FHAD1: variants seen among roughly 807,000 people sequenced by gnomAD.
FHAD1 encodes forkhead associated phosphopeptide binding domain 1, also known as forkhead-associated domain-containing protein 1.
A neutral mutation model predicts 191.3 loss-of-function variants in FHAD1; 146 were observed. The ratio of observed to expected loss-of-function variants is 0.76; its 90% CI spans 0.67 to 0.88. The LOEUF is 0.88. Ranked by LOEUF, FHAD1 falls within the 40% of genes least tolerant of loss-of-function variation. The probability of loss-of-function intolerance (pLI) is 0.00; values close to 1 mark genes in which losing one functional copy is unlikely to be tolerated. For missense variants in FHAD1, 1,635 were observed against 1,785.8 expected, an observed-to-expected ratio of 0.92 and a Z score of 1.52; for synonymous variants, 616 against 672.3, an observed-to-expected ratio of 0.92 and a Z score of 1.29.
intron 23 of FHAD1, among the ~76,000 whole-genome samples, chr1:15,363,036 G>A (rs1320995178): frequency 6.6e-6 from 1 of 152,212 alleles, no homozygotes; most frequent in African/African-American, 2.4e-5. Context: ...ACTGTTTTCT[G>A]CTATTTATAG....
In FHAD1 at chr1:15,325,483, G is replaced by A. The variant is rs1313861619; in HGVS notation, c.1473+924G>A. Reference sequence around the variant, plus strand: ...AGCCCTTCCATTTTCTACCATCCAAGCCTTACCAGGCAGTGTGACCAGGCC... The same window carrying A: ...AGCCCTTCCATTTTCTACCATCCAAACCTTACCAGGCAGTGTGACCAGGCC... On this transcript the variant is annotated intron_variant, in intron 11 of 33. Transcript: ENST00000688493. The surrounding 1 kb of genome is among the most constrained non-coding windows in gnomAD (Gnocchi z 4.6). 1 of 152,280 alleles carries A rather than the reference G, an allele frequency of 6.6e-6. No individual in the cohort carries two copies. Among genetic ancestry groups the A allele is most frequent in the African/African-American group, 2.4e-5 (1 of 41,448 alleles). The allele number at this position is 152,280 out of a possible 1,614,324, so 9.4% of individuals were successfully genotyped here. A position where few individuals can be genotyped will look rare whatever the true frequency, so the allele number is the denominator to read the frequency against.
At chr1:15,245,687 A>T (rs1285053311), upstream of FHAD1, among the ~76,000 whole-genome samples, 1 of 152,164 alleles carries the variant, frequency 6.6e-6, no homozygotes, top group African/African-American at 2.4e-5. Flanking sequence ...TCCAGGCAGA[A>T]CCTTCCAGAC....
intron 14 of FHAD1, among the ~76,000 whole-genome samples, chr1:15,338,585 G>A (rs1032892080): frequency 1.3e-5 from 2 of 152,126 alleles, no homozygotes; most frequent in Non-Finnish European, 2.9e-5. Context: ...CAGGTTCCAG[G>A]GATTCGGACC....
At chr1:15,252,636 G>T (rs1646924717) in intron 2 of FHAD1, among the ~76,000 whole-genome samples, 1 of 152,224 alleles carries the variant, frequency 6.6e-6, no homozygotes, top group South Asian at 2.1e-4. Flanking sequence ...GGTTCAGAAG[G>T]TGGGCACAGA....
At chr1:15,351,213 T>C (rs1466457997) in intron 19 of FHAD1, among the ~76,000 whole-genome samples, 1 of 152,072 alleles carries the variant, frequency 6.6e-6, no homozygotes, top group Admixed American at 6.5e-5. Flanking sequence ...GGCCTGGTGG[T>C]GCACACCTGT....
In FHAD1 at chr1:15,345,489, A is replaced by G. The variant is rs1448691854; in HGVS notation, c.2312A>G (p.Gln771Arg). ...EALEEEQTRVQELEERLARQK... is the reference protein window; with the variant it reads ...EALEEEQTRVRELEERLARQK... Reference sequence around the variant, plus strand: ...TTAGAGGAAGAGCAGACAAGAGTCCAAGAGCTGGAGGAACGCTTGGCCCGC... The same window carrying G: ...TTAGAGGAAGAGCAGACAAGAGTCCGAGAGCTGGAGGAACGCTTGGCCCGC... The change falls in exon 18 of 34, where the codon CAA becomes CGA. Residue 771 changes from glutamine to arginine, a missense_variant. By Grantham distance (43) the Gln-to-Arg change is conservative. Coordinates refer to ENST00000688493, the MANE Select transcript of FHAD1 (RefSeq NM_001391957.1). 3 of 1,552,132 alleles carry G rather than the reference A, an allele frequency of 1.9e-6. No individual in the cohort carries two copies. The highest frequency in any genetic ancestry group is 2.6e-6 in the Non-Finnish European group (3 of 1,147,128).
intron 21 of FHAD1, among the ~76,000 whole-genome samples, chr1:15,359,589 T>C (rs1394109811): frequency 6.6e-6 from 1 of 152,064 alleles, no homozygotes; most frequent in African/African-American, 2.4e-5. Context: ...GGCTCACACC[T>C]GTAATCTCAG....
rs1695251754 is a variant in FHAD1, at chr1:15,362,866, C to G, written c.3047+140C>G. ...CGGGCCTGCTGCCTTCCCAGTGCTG[C>G]TTCCATTTCCCCATTCCTTCAGCCC... On this transcript the variant is annotated intron_variant, in intron 23 of 33. Transcript: ENST00000688493. The G allele has an allele frequency of 7.5e-6, 5 of 670,580 alleles. No homozygotes were observed. The East Asian group carries it at 1.1e-4, about 15-fold the overall frequency. 41.5% of individuals were successfully genotyped at this position (670,580 alleles called of 1,614,324 possible).
intron 12 of FHAD1, chr1:15,328,040 AAAAAAAAG>A (rs964877907): frequency 1.8e-4 from 44 of 250,372 alleles, no homozygotes; most frequent in South Asian, 1.4e-3. Flanking sequence ...TCGCAAAAAA[AAAAAAAAG>A]AAAAGAAAAA....
At chr1:15,400,508 C>A (rs942561433), downstream of FHAD1, among the ~76,000 whole-genome samples, 2 of 152,130 alleles carry the variant, frequency 1.3e-5, no homozygotes, top group African/African-American at 4.8e-5. Context: ...GGTAGTAGTT[C>A]TCAACAAGGA....
intron 1 of FHAD1, among the ~76,000 whole-genome samples, chr1:15,242,062 G>A (rs1014795099): frequency 4.0e-5 from 6 of 151,840 alleles, no homozygotes; most frequent in East Asian, 1.9e-4. Context: ...GTGAAACCCC[G>A]TCTCTACTAA....
At chr1:15,389,408 G>A (rs1364253433) in intron 32 of FHAD1, among the ~76,000 whole-genome samples, 1 of 127,582 alleles carries the variant, frequency 7.8e-6, no homozygotes, top group Non-Finnish European at 1.6e-5. Context: ...TAAGCATCCC[G>A]CTAAACTCTA....
intron 32 of FHAD1, among the ~76,000 whole-genome samples, chr1:15,388,642 G>T (rs1047709207): frequency 1.3e-5 from 2 of 151,840 alleles, no homozygotes; most frequent in Non-Finnish European, 2.9e-5. Flanking sequence ...AAAGTGCCTC[G>T]CATAAGCACT....
intron 21 of FHAD1, among the ~76,000 whole-genome samples, chr1:15,359,690 A>G (rs1694042682): frequency 6.6e-6 from 1 of 152,116 alleles, no homozygotes; most frequent in Non-Finnish European, 1.5e-5. Context: ...TCCACTAAAA[A>G]AAAAATACAA....
chr1:15,400,979 G>GAATAC (rs1377993850), downstream of FHAD1, among the ~76,000 whole-genome samples: 1 of 152,224 alleles, frequency 6.6e-6, no homozygotes, highest in Non-Finnish European at 1.5e-5. Flanking sequence ...ATTTGAAGCT[G>GAATAC]AATACATTCC....
intron 14 of FHAD1, among the ~76,000 whole-genome samples, chr1:15,332,000 G>A (rs1234220104): frequency 6.6e-6 from 1 of 152,080 alleles, no homozygotes; most frequent in Non-Finnish European, 1.5e-5. Flanking sequence ...CAGAGAGCCT[G>A]CATCAATTTT....
chr1:15,372,011 C>T (rs1448834252), intron 26 of FHAD1, among the ~76,000 whole-genome samples: 5 of 152,212 alleles, frequency 3.3e-5, no homozygotes, highest in East Asian at 3.8e-4. Flanking sequence ...ACTGCTCTCA[C>T]GGAGCCTGTC....
At chr1:15,399,012 G>A (rs910784152), downstream of FHAD1, among the ~76,000 whole-genome samples, 4 of 151,980 alleles carry the variant, frequency 2.6e-5, no homozygotes, top group African/African-American at 9.7e-5. Flanking sequence ...AGTAGAGATG[G>A]GGTTTCACCA....
chr1:15,350,496 A>G (rs1690485720), intron 19 of FHAD1, among the ~76,000 whole-genome samples: 1 of 152,198 alleles, frequency 6.6e-6, no homozygotes, highest in Non-Finnish European at 1.5e-5. Context: ...GAGGAATGAA[A>G]CCAAAGCTGG....
Sources: allele counts gnomAD v4.1 joint callset (sites outside exome capture counted in the v4.1 genomes callset), GRCh38; gene constraint gnomAD v4.1.1; non-coding constraint Gnocchi (gnomAD v3.1); transcripts MANE v1.5; gene names NCBI Gene and HGNC (gene_info 2026-07-23, HGNC 2026-07-21).